Variants in LRBA observed in about 807,000 individuals in gnomAD.
LRBA encodes the protein lipopolysaccharide-responsive and beige-like anchor protein.
A neutral mutation model predicts 330.0 loss-of-function variants in LRBA; 176 were observed. The ratio of observed to expected loss-of-function variants is 0.53; its 90% CI spans 0.47 to 0.60. The LOEUF is 0.60. Among genes scored for constraint, LRBA ranks in the 20% least tolerant of loss-of-function variants. The pLI is 0.00. For synonymous variants in LRBA, 1,230 were observed against 1,193.0 expected (o/e 1.03, Z -0.64); for missense variants, 3,259 against 3,444.8 (o/e 0.95, Z 1.35).
At chr4:150,347,577 C>T (rs777829390) in intron 48 of LRBA, among the ~76,000 whole-genome samples, 5 of 148,742 alleles carry the variant, frequency 3.4e-5, no homozygotes, top group South Asian at 2.2e-4. Flanking sequence ...ACCCAGGAGG[C>T]GGAGGTTGTA....
intron 26 of LRBA, among the ~76,000 whole-genome samples, chr4:150,845,895 T>C (rs918141233): frequency 6.6e-6 from 1 of 152,196 alleles, no homozygotes; most frequent in East Asian, 1.9e-4. Flanking sequence ...TTTGAGTCTG[T>C]ATTACAAAGT....
At chr4:150,657,683 G>C (rs1780346441) in intron 37 of LRBA, among the ~76,000 whole-genome samples, 1 of 151,848 alleles carries the variant, frequency 6.6e-6, no homozygotes, top group Admixed American at 6.6e-5. Flanking sequence ...AGATATAATA[G>C]AGTAGAACAA....
chr4:150,468,199 C>T (rs916345678), intron 43 of LRBA, among the ~76,000 whole-genome samples: 18 of 151,902 alleles, frequency 1.2e-4, no homozygotes, highest in African/African-American at 4.3e-4. Flanking sequence ...AACAAGAATC[C>T]TTTCTCTGCC....
intron 17 of LRBA, among the ~76,000 whole-genome samples, chr4:150,887,898 T>C (rs1472299475): frequency 6.6e-6 from 1 of 151,986 alleles, no homozygotes; most frequent in Non-Finnish European, 1.5e-5. Context: ...CAAGTGTGCC[T>C]GTAGTCCCAG....
chr4:150,916,532 A>C lies in LRBA; in HGVS notation c.768-5T>G, dbSNP rs1217248749. 6.2e-7 allele frequency: 1 copy of C among 1,611,430 alleles called. No homozygotes were observed. Among genetic ancestry groups the C allele is most frequent in the Non-Finnish European group, 8.5e-7 (1 of 1,179,144 alleles). On this transcript the variant is annotated splice_region_variant and splice_polypyrimidine_tract_variant and intron_variant, in intron 6 of 56. Coordinates refer to ENST00000651943, the MANE Select transcript of LRBA (RefSeq NM_001364905.1). ...AGACCTTTGCTGGTTCTGAAACTAT[A>C]AAGAATAGTTTTCATTTTACCTCTA...
At chr4:150,677,799 T>C (rs553100471) in intron 37 of LRBA, among the ~76,000 whole-genome samples, 2 of 138,070 alleles carry the variant, frequency 1.4e-5, no homozygotes, top group Non-Finnish European at 3.1e-5. Flanking sequence ...CAAGATCCCA[T>C]GTCTTAAAAA....
intron 26 of LRBA, 147 bp from the exon 27 acceptor site, chr4:150,844,926 CT>C (rs1749632084): frequency 1.5e-6 from 1 of 667,890 alleles, no homozygotes; most frequent in Non-Finnish European, 2.5e-6. Context: ...TGTCCCTAGA[CT>C]TTATCGCCTA....
intron 47 of LRBA, among the ~76,000 whole-genome samples, chr4:150,413,376 GA>G (rs944905091): frequency 1.3e-5 from 2 of 150,648 alleles, no homozygotes; most frequent in African/African-American, 4.9e-5. Context: ...GCCCAAACTA[GA>G]AAAAAAAGTC....
chr4:150,697,337 A>G (rs1354364294), intron 36 of LRBA, among the ~76,000 whole-genome samples: 8 of 145,332 alleles, frequency 5.5e-5, no homozygotes, highest in African/African-American at 2.1e-4. Flanking sequence ...AAAAAAAAAA[A>G]AAAAAAAAAA....
At chr4:150,347,011 A>T in intron 48 of LRBA, among the ~76,000 whole-genome samples, 1 of 152,106 alleles carries the variant, frequency 6.6e-6, no homozygotes, top group East Asian at 1.9e-4. Context: ...GTATATATAT[A>T]TACACAATGG....
intron 34 of LRBA, among the ~76,000 whole-genome samples, chr4:150,762,242 CA>C (rs578140788): frequency 3.6e-4 from 55 of 151,776 alleles, no homozygotes; most frequent in Non-Finnish European, 7.7e-4. Flanking sequence ...TTAAATAGTT[CA>C]ATAACCCTAA....
chr4:150,887,471 G>A (rs893347438), intron 17 of LRBA, among the ~76,000 whole-genome samples: 2 of 152,000 alleles, frequency 1.3e-5, no homozygotes, highest in African/African-American at 2.4e-5. Context: ...AATAAGAACC[G>A]GCCGGGAGCA....
chr4:150,716,389 T>C (rs1467688880), intron 36 of LRBA, among the ~76,000 whole-genome samples: 2 of 152,112 alleles, frequency 1.3e-5, no homozygotes, highest in African/African-American at 2.4e-5. Flanking sequence ...GAGGTTTCAG[T>C]GCATAAAAAA....
At chr4:150,861,981 CAAA>C (rs199556164) in intron 22 of LRBA, among the ~76,000 whole-genome samples, 1 of 111,462 alleles carries the variant, frequency 9.0e-6, no homozygotes, top group Non-Finnish European at 2.0e-5. Context: ...ACTCTGACTC[CAAA>C]AAAAAAAAAA....
chr4:150,824,751 T>A (rs1160345243), intron 30 of LRBA, among the ~76,000 whole-genome samples: 2 of 152,162 alleles, frequency 1.3e-5, no homozygotes, highest in Non-Finnish European at 2.9e-5. Flanking sequence ...ATCCCCAGAA[T>A]AAATCCCACT....
chr4:150,324,601 GAAAGGAAAAAAAA>G (rs1434425506), intron 49 of LRBA, among the ~76,000 whole-genome samples: 1 of 147,380 alleles, frequency 6.8e-6, no homozygotes, highest in Non-Finnish European at 1.5e-5. Context: ...TGTGGGAAGA[GAAAGGAAAAAAAA>G]AAAGGAAAAA....
intron 35 of LRBA, among the ~76,000 whole-genome samples, chr4:150,752,474 A>C (rs574300171): frequency 6.6e-6 from 1 of 152,234 alleles, no homozygotes; most frequent in South Asian, 2.1e-4. Flanking sequence ...TGAAAAAATT[A>C]ATTTAAATTA....
intron 40 of LRBA, among the ~76,000 whole-genome samples, chr4:150,538,830 A>C (rs1025704589): frequency 4.0e-5 from 6 of 151,214 alleles, no homozygotes; most frequent in African/African-American, 9.8e-5. Flanking sequence ...AAAAAAAAAA[A>C]CAAAAAACTA....
intron 37 of LRBA, among the ~76,000 whole-genome samples, chr4:150,642,801 T>A (rs1330601270): frequency 6.6e-6 from 1 of 151,904 alleles, no homozygotes; most frequent in Admixed American, 6.6e-5. Context: ...TTGAAGTAGA[T>A]GTTTTATATA....
Sources: allele counts gnomAD v4.1 joint callset (sites outside exome capture counted in the v4.1 genomes callset), GRCh38; gene constraint gnomAD v4.1.1; transcripts MANE v1.5; gene names NCBI Gene and HGNC (gene_info 2026-07-23, HGNC 2026-07-21).